IL1RAPL1: variants seen among roughly 807,000 people sequenced by gnomAD.
IL1RAPL1 encodes the protein interleukin-1 receptor accessory protein-like 1.
A neutral mutation model predicts 48.4 loss-of-function variants in IL1RAPL1; 3 were observed. The observed-to-expected ratio is 0.06, with a 90% CI of 0.03 to 0.16. The LOEUF (loss-of-function observed/expected upper bound fraction) is 0.16, where lower values mean the gene tolerates loss of function less well. Ranked by LOEUF, IL1RAPL1 falls within the 10% of genes least tolerant of loss-of-function variation. The pLI, the probability that IL1RAPL1 is intolerant of heterozygous loss-of-function variation, is 1.00. For synonymous variants in IL1RAPL1, 185 were observed against 187.7 expected, an observed-to-expected ratio of 0.99 and a Z score of 0.12; for missense variants, 349 against 530.6, an observed-to-expected ratio of 0.66 and a Z score of 3.36.
intron 2 of IL1RAPL1, among the ~76,000 whole-genome samples, chrX:29,207,295 C>T (rs990332532): frequency 1.3e-4 from 14 of 111,523 alleles, no homozygotes; most frequent in Admixed American, 1.1e-3. Context: ...GAATTATCTG[C>T]GAAAAGAACA....
chrX:28,623,851 G>A (rs747446551), intron 1 of IL1RAPL1, among the ~76,000 whole-genome samples: 54 of 109,937 alleles, frequency 4.9e-4, no homozygotes, highest in Non-Finnish European at 8.0e-4. Flanking sequence ...AGTACCAAAA[G>A]CAAAACAGAA....
intron 6 of IL1RAPL1, among the ~76,000 whole-genome samples, chrX:29,792,847 C>T (rs755950319): frequency 1.8e-5 from 2 of 111,565 alleles, no homozygotes; most frequent in South Asian, 7.5e-4. Context: ...ATTTTATTCA[C>T]AATCAACCCT....
intron 2 of IL1RAPL1, among the ~76,000 whole-genome samples, chrX:29,116,688 A>T (rs1928683684): frequency 8.9e-6 from 1 of 111,750 alleles, no homozygotes; most frequent in African/African-American, 3.2e-5. Flanking sequence ...TACTTGAGAG[A>T]AGTTAAGACT....
intron 6 of IL1RAPL1, among the ~76,000 whole-genome samples, chrX:29,825,356 T>A (rs1175047256): frequency 1.8e-5 from 2 of 111,359 alleles, no homozygotes; most frequent in African/African-American, 6.5e-5. Flanking sequence ...AACTTCAATA[T>A]GAATCTTTAT....
intron 1 of IL1RAPL1, among the ~76,000 whole-genome samples, chrX:28,636,450 T>C (rs757998074): frequency 1.8e-5 from 2 of 111,938 alleles, no homozygotes; most frequent in African/African-American, 3.2e-5. Context: ...CCTGATTTCA[T>C]TGGAAATTCT....
intron 1 of IL1RAPL1, among the ~76,000 whole-genome samples, chrX:28,778,040 C>T (rs146561431): frequency 0.021 from 2,390 of 111,599 alleles, 69 homozygotes; most frequent in African/African-American, 0.074. Flanking sequence ...CGTGGGTCAT[C>T]AGTCTCTTTG....
In IL1RAPL1 at chrX:29,929,295, G is replaced by A. The variant is rs188818150; in HGVS notation, c.1057+9201G>A. ...ATGGACAGTTACCTGAGAGTATTTT[G>A]CTTTTGACTCTTTAGCTTTGTGTGA... On this transcript the variant is annotated intron_variant, in intron 8 of 10. Coordinates refer to ENST00000378993, the MANE Select transcript of IL1RAPL1 (RefSeq NM_014271.4). Among the ~76,000 whole-genome samples, 772 of 111,306 alleles carry A rather than the reference G, an allele frequency of 6.9e-3. 4 individuals are homozygous for A. The highest frequency in any genetic ancestry group is 0.014 in the Middle Eastern group (3 of 216).
intron 2 of IL1RAPL1, among the ~76,000 whole-genome samples, chrX:29,125,558 A>G (rs764027636): frequency 8.0e-5 from 9 of 111,939 alleles, no homozygotes; most frequent in Non-Finnish European, 1.7e-4. Flanking sequence ...GAAAGAGTTC[A>G]GTGATGTTAG....
chrX:29,060,783 T>C (rs927492496), intron 2 of IL1RAPL1, among the ~76,000 whole-genome samples: 4 of 111,913 alleles, frequency 3.6e-5, no homozygotes, highest in African/African-American at 1.3e-4. Flanking sequence ...TCTATAGAAA[T>C]GTTACACAGT....
chrX:29,399,840 A>G (rs1175514232), intron 5 of IL1RAPL1, among the ~76,000 whole-genome samples: 4 of 110,467 alleles, frequency 3.6e-5, no homozygotes, highest in Admixed American at 9.7e-5. Flanking sequence ...AAAAAAAGAA[A>G]TGTTAGCTTT....
At chrX:28,677,131 A>G (rs992377074) in intron 1 of IL1RAPL1, among the ~76,000 whole-genome samples, 1 of 112,085 alleles carries the variant, frequency 8.9e-6, no homozygotes, top group African/African-American at 3.2e-5. Flanking sequence ...TGAGACAGAT[A>G]TGTTATTAAA....
chrX:29,806,410 T>C (rs1362059495), intron 6 of IL1RAPL1, among the ~76,000 whole-genome samples: 1 of 112,063 alleles, frequency 8.9e-6, no homozygotes, highest in Non-Finnish European at 1.9e-5. Flanking sequence ...TAAAAAATTT[T>C]AACCTTACTA....
rs1171882981 is a variant in IL1RAPL1, at chrX:29,865,636, CTTTT to C, written c.779-51811_779-51808del. Among the ~76,000 whole-genome samples the C allele has an allele frequency of 3.7e-3, 285 of 76,331 alleles. 2 individuals carry two copies. Among genetic ancestry groups the C allele is most frequent in the African/African-American group, 0.015 (267 of 18,374 alleles). The allele number at this position is 76,331 out of a possible 115,157, so 66.3% of individuals were successfully genotyped here. On this transcript the variant is annotated intron_variant, in intron 6 of 10. Coordinates refer to ENST00000378993, the MANE Select transcript of IL1RAPL1 (RefSeq NM_014271.4). ...ATGTGCTGTTTTTTTCTTTTCTTTT[CTTTT>C]TTTTTTTTTTTTTTTTGACAGAGTC...
chrX:29,576,583 A>G (rs758649597), intron 5 of IL1RAPL1, among the ~76,000 whole-genome samples: 11 of 111,427 alleles, frequency 9.9e-5, no homozygotes, highest in African/African-American at 3.3e-4. Context: ...AGCACCATAT[A>G]ACGATTCTGT....
chrX:29,462,399 T>C (rs1405805410), intron 5 of IL1RAPL1, among the ~76,000 whole-genome samples: 2 of 111,740 alleles, frequency 1.8e-5, no homozygotes, highest in Non-Finnish European at 3.8e-5. Flanking sequence ...TAATGAGAAC[T>C]TGGAGTGAAC....
In IL1RAPL1 at chrX:29,683,700, T is replaced by C. The variant is rs183628776; in HGVS notation, c.778+15196T>C. Among the ~76,000 whole-genome samples the C allele has an allele frequency of 5.3e-5, 6 of 112,449 alleles. No individual in the cohort carries two copies. The East Asian group carries it at 1.7e-3, about 31-fold the overall frequency. ...TACTCCCTTAAATCCATAACCTTCC[T>C]GTAATATTTAAAATGGTCTATTCTT... On this transcript the variant is annotated intron_variant, in intron 6 of 10. Transcript: ENST00000378993.
At chrX:29,456,891 G>T (rs1314349635) in intron 5 of IL1RAPL1, among the ~76,000 whole-genome samples, 1 of 111,470 alleles carries the variant, frequency 9.0e-6, no homozygotes, top group Admixed American at 9.6e-5. Flanking sequence ...CCAACACTTT[G>T]TGAGGCCCAG....
chrX:29,652,427 A>T (rs957419041), intron 5 of IL1RAPL1, among the ~76,000 whole-genome samples: 2 of 110,807 alleles, frequency 1.8e-5, no homozygotes, highest in African/African-American at 6.6e-5. Flanking sequence ...AGAAGGAGGG[A>T]TACGGAAGGA....
At chrX:29,415,269 T>C (rs1178344278) in intron 5 of IL1RAPL1, among the ~76,000 whole-genome samples, 1 of 111,827 alleles carries the variant, frequency 8.9e-6, no homozygotes, top group Non-Finnish European at 1.9e-5. Flanking sequence ...TTGAGTGAGA[T>C]ACATTTCTTT....
Sources: allele counts gnomAD v4.1 joint callset (sites outside exome capture counted in the v4.1 genomes callset), GRCh38; gene constraint gnomAD v4.1.1; transcripts MANE v1.5; gene names NCBI Gene and HGNC (gene_info 2026-07-23, HGNC 2026-07-21).